EPG5: variants seen among roughly 807,000 people sequenced by gnomAD.
The protein encoded by EPG5 is ectopic P granules protein 5 homolog.
In EPG5, 159 loss-of-function variants were observed where a neutral mutation model predicts 302.7. The observed-to-expected ratio is 0.53, with a 90% CI of 0.46 to 0.60. EPG5 has a LOEUF of 0.60. EPG5 is among the 20% of genes least tolerant of loss of function. The probability of loss-of-function intolerance (pLI) is 0.00; values close to 1 mark genes in which losing one functional copy is unlikely to be tolerated. For missense variants in EPG5, 2,896 were observed against 3,092.4 expected, an observed-to-expected ratio of 0.94 and a Z score of 1.51; for synonymous variants, 1,158 against 1,136.8, an observed-to-expected ratio of 1.02 and a Z score of -0.37.
At chr18:45,942,990 G>A (rs1206420735) in intron 9 of EPG5, among the ~76,000 whole-genome samples, 171 bp downstream of exon 9, 1 of 152,042 alleles carries the variant, frequency 6.6e-6, no homozygotes, top group African/African-American at 2.4e-5. Context: ...TACTCTAACT[G>A]GAAGCAATTA....
the EPG5 span, among the ~76,000 whole-genome samples, chr18:45,823,706 A>C: frequency 2.6e-5 from 4 of 152,226 alleles, no homozygotes; most frequent in Non-Finnish European, 5.9e-5. Context: ...GACCAGAAAC[A>C]TGGTTCTCTC....
chr18:45,887,647 G>C, intron 29 of EPG5, 104 bp downstream of exon 29: 1 of 1,013,750 alleles, frequency 9.9e-7, no homozygotes, highest in Non-Finnish European at 1.3e-6. Flanking sequence ...GTAAGACTCT[G>C]AACCTGTAAT....
Position 45,954,826 on chromosome 18 carries a change from T to G in EPG5, c.576A>C (p.Pro192=). Residue 192 remains proline (P), a synonymous_variant, in exon 2 of 44, where the codon CCA becomes CCC. Coordinates refer to ENST00000282041, the MANE Select transcript of EPG5 (RefSeq NM_020964.3). ...KQGLVCSSEV[P]QNVGLQSSCP... Reference sequence around the variant, plus strand: ...AAGAACTCTGCAAGCCAACATTCTGTGGCACCTCTGAAGAACAAACCAGGC... The same window carrying G: ...AAGAACTCTGCAAGCCAACATTCTGGGGCACCTCTGAAGAACAAACCAGGC... 6.2e-7 allele frequency: 1 copy of G among 1,614,252 alleles called. No homozygotes were observed. The highest frequency in any genetic ancestry group is 8.5e-7 in the Non-Finnish European group (1 of 1,180,042).
rs751948772 is a variant in EPG5 at position 45,954,883 on chromosome 18, T to A, written c.519A>T (p.Arg173Ser). 3 of 1,614,102 alleles carry A rather than the reference T, an allele frequency of 1.9e-6. No homozygotes were observed. In the South Asian group the frequency reaches 3.3e-5, roughly 18 times the overall value. ...TGTCTTCTTTACTATTCTGAGTTTCTCTGACTTGTATATTTTCCATTGCTG... is the reference window on the plus strand; with the variant it reads ...TGTCTTCTTTACTATTCTGAGTTTCACTGACTTGTATATTTTCCATTGCTG... ...TQPAMENIQV[R>S]ETQNSKEDKQ... The change falls in exon 2 of 44, where the codon AGA becomes AGT. Residue 173 changes from arginine to serine, a missense_variant. Physicochemically the swap from Arg to Ser is moderately radical, Grantham distance 110. Transcript: ENST00000282041.
chr18:45,904,256 T>C (rs1189921506), intron 24 of EPG5, 139 bp from the exon 25 acceptor site: 2 of 967,608 alleles, frequency 2.1e-6, no homozygotes, highest in African/African-American at 1.7e-5. Context: ...TTAGGATAAA[T>C]TGCCATTAAA....
At chr18:45,817,762 A>G in the EPG5 span, among the ~76,000 whole-genome samples, 25 of 152,376 alleles carry the variant, frequency 1.6e-4, no homozygotes, top group African/African-American at 6.0e-4. Context: ...GAGAGCAACA[A>G]GGAAGCCACA....
chr18:45,919,320 C>A (rs1311485449), intron 16 of EPG5, among the ~76,000 whole-genome samples: 1 of 152,168 alleles, frequency 6.6e-6, no homozygotes, highest in Non-Finnish European at 1.5e-5. Flanking sequence ...CTCACTCTCA[C>A]TCCCATTCAG....
chr18:45,830,783 A>G, the EPG5 span, among the ~76,000 whole-genome samples: 1 of 120,584 alleles, frequency 8.3e-6, no homozygotes, highest in Non-Finnish European at 1.7e-5. Flanking sequence ...TATTTTTAGT[A>G]GAGACGGGGT....
chr18:45,853,250 A>G (rs909457737), intron 43 of EPG5, among the ~76,000 whole-genome samples: 1 of 152,254 alleles, frequency 6.6e-6, no homozygotes, highest in Non-Finnish European at 1.5e-5. Context: ...AAATCAGCCA[A>G]CAAGCATGAA....
chr18:45,940,184 G>C (rs779469843), intron 9 of EPG5, among the ~76,000 whole-genome samples: 1 of 152,192 alleles, frequency 6.6e-6, no homozygotes, highest in Non-Finnish European at 1.5e-5. Flanking sequence ...CCACGTAGAA[G>C]AAACAGCCAA....
chr18:45,940,195 T>G (rs1305529748), intron 9 of EPG5, among the ~76,000 whole-genome samples: 1 of 152,070 alleles, frequency 6.6e-6, no homozygotes, highest in Admixed American at 6.6e-5. Flanking sequence ...AAACAGCCAA[T>G]GCAAAAGCGC....
chr18:45,838,859 GC>G, the EPG5 span: 1 of 1,579,720 alleles, frequency 6.3e-7, no homozygotes, highest in Admixed American at 1.8e-5. Flanking sequence ...GCCGTGCGGA[GC>G]CCGCGTGAGG....
At chr18:45,952,026 CCAAA>C (rs1449815940) in intron 3 of EPG5, among the ~76,000 whole-genome samples, 2 of 152,016 alleles carry the variant, frequency 1.3e-5, no homozygotes, top group African/African-American at 4.8e-5. Flanking sequence ...ACAAAGCAGC[CCAAA>C]CAAACCACAA....
intron 35 of EPG5, among the ~76,000 whole-genome samples, chr18:45,873,910 G>C (rs2048919785): frequency 6.6e-6 from 1 of 152,194 alleles, no homozygotes; most frequent in South Asian, 2.1e-4. Flanking sequence ...CTATTACTAA[G>C]TGAAAGAAGT....
chr18:45,829,101 G>C, the EPG5 span: 2 of 985,832 alleles, frequency 2.0e-6, no homozygotes, highest in Non-Finnish European at 2.4e-6. Flanking sequence ...AGGCTACATC[G>C]GGACTCTGAA....
At chr18:45,883,808 G>A (rs1309649822) in intron 30 of EPG5, among the ~76,000 whole-genome samples, 3 of 150,430 alleles carry the variant, frequency 2.0e-5, no homozygotes, top group Non-Finnish European at 4.4e-5. Context: ...ACAAGTGAAG[G>A]CAAAGTAGCT....
In EPG5 at chr18:45,880,117, G is replaced by C; in HGVS notation, c.5625C>G (p.Ala1875=). 1 of 1,610,448 alleles carries C rather than the reference G, an allele frequency of 6.2e-7. No homozygotes were observed. The highest frequency in any genetic ancestry group is 8.5e-7 in the Non-Finnish European group (1 of 1,177,564). Residue 1875 remains alanine, a synonymous_variant, in exon 32 of 44, where the codon GCC becomes GCG. Coordinates refer to ENST00000282041, the MANE Select transcript of EPG5 (RefSeq NM_020964.3). The stretch of plus-strand genomic sequence containing the variant: ...GAGCATCAGAAGAGCTGGGAAGCAC[G>C]GCGCCCTCGGTGGACGCTGCCCCCT... ...CQQGAASTEG[A]VLPSSSDALL...
At chr18:45,835,592 G>C in the EPG5 span, among the ~76,000 whole-genome samples, 1 of 152,180 alleles carries the variant, frequency 6.6e-6, no homozygotes, top group African/African-American at 2.4e-5. Context: ...CACTCCAAGG[G>C]TGTGATACTG....
At chr18:45,839,104 G>A in the EPG5 span, 712 of 1,381,296 alleles carry the variant, frequency 5.2e-4, 6 homozygotes, top group African/African-American at 0.01. Flanking sequence ...AGGTGGGTGC[G>A]CCCCAGACAC....
Sources: gnomAD v4.1 joint callset for allele counts (sites outside exome capture counted in the v4.1 genomes callset) on GRCh38, gnomAD v4.1.1 for gene constraint, MANE v1.5 for transcripts, NCBI Gene and HGNC (gene_info 2026-07-23, HGNC 2026-07-21) for gene names.